SEC31A: variants seen among roughly 807,000 people sequenced by gnomAD.
SEC31A encodes the protein SEC31 homolog A, COPII component, also known as protein transport protein Sec31A.
SEC31A carries 70 observed loss-of-function variants against 151.0 expected under a neutral mutation model. The ratio of observed to expected loss-of-function variants is 0.46; its 90% confidence interval spans 0.38 to 0.57. SEC31A has a LOEUF of 0.57. Ranked by LOEUF, SEC31A falls within the 20% of genes least tolerant of loss-of-function variation. SEC31A has a pLI of 0.00. For missense variants in SEC31A, 1,330 were observed against 1,471.2 expected, an observed-to-expected ratio of 0.90 and a Z score of 1.57; for synonymous variants, 475 against 505.9, an observed-to-expected ratio of 0.94 and a Z score of 0.82.
chr4:82,892,919 A>C (rs1401652472), upstream of SEC31A: 1 of 152,056 alleles, frequency 6.6e-6, no homozygotes, highest in Non-Finnish European at 1.5e-5. Context: ...AAAAAGAAAA[A>C]CTCTTTAGTT....
chr4:82,836,382 A>G (rs1727292128), intron 22 of SEC31A, among the ~76,000 whole-genome samples: 1 of 151,478 alleles, frequency 6.6e-6, no homozygotes, highest in Admixed American at 6.6e-5. Context: ...CAAAAAAAAA[A>G]AAAAAAAAAA....
rs139435771 is a variant in SEC31A at position 82,897,290 on chromosome 4, T to C, written c.-2+2423A>G. On this transcript the variant is annotated intron_variant, in intron 3 of 28. Coordinates refer to the SEC31A transcript ENST00000355196. ...ACACTTCCAAGTTAGCATGAGATTCTAGAAGTAGAAATAATTATGTAACAA... is the reference window on the plus strand; with the variant it reads ...ACACTTCCAAGTTAGCATGAGATTCCAGAAGTAGAAATAATTATGTAACAA... Among the ~76,000 whole-genome samples the C allele has an allele frequency of 1.1e-4, 17 of 152,330 alleles. No individual in the cohort carries two copies. In the East Asian group the frequency reaches 2.9e-3, roughly 26 times the overall value.
At chr4:82,866,753 CTT>C in intron 10 of SEC31A, 53 bp downstream of exon 10, 1 of 1,492,368 alleles carries the variant, frequency 6.7e-7, no homozygotes, top group Non-Finnish European at 9.0e-7. Context: ...TATAATAACA[CTT>C]TGGTATAAAA....
chr4:82,829,723 A>T (rs925113953), intron 22 of SEC31A, among the ~76,000 whole-genome samples: 1 of 152,180 alleles, frequency 6.6e-6, no homozygotes, highest in Non-Finnish European at 1.5e-5. Flanking sequence ...TTAAAATATT[A>T]CCAACTGTAG....
rs567233518 is a variant in SEC31A at position 82,821,231 on chromosome 4, G to A, written c.3412-123C>T. Reference sequence around the variant, plus strand: ...GAATGGCTTCATTTTATAAAGAAATGGAGGCAACTACAACTAAGAAACTTG... The same window carrying A: ...GAATGGCTTCATTTTATAAAGAAATAGAGGCAACTACAACTAAGAAACTTG... On this transcript the variant is annotated intron_variant, in intron 25 of 26. Transcript: ENST00000395310. 929 of 753,322 alleles carry A rather than the reference G, an allele frequency of 1.2e-3. 3 individuals carry two copies. Among genetic ancestry groups the A allele is most frequent in the Middle Eastern group, 7.9e-3 (28 of 3,566 alleles). The allele number at this position is 753,322 out of a possible 1,614,324, so 46.7% of individuals were successfully genotyped here.
intron 18 of SEC31A, among the ~76,000 whole-genome samples, chr4:82,852,814 G>A (rs574405541): frequency 4.0e-4 from 61 of 152,236 alleles, no homozygotes; most frequent in Admixed American, 9.8e-4. Flanking sequence ...AACCTATTTG[G>A]CACCAGGGAC....
chr4:82,843,679 T>A (rs1400097466), intron 21 of SEC31A: 2 of 152,208 alleles, frequency 1.3e-5, no homozygotes, highest in African/African-American at 4.8e-5. Flanking sequence ...TTTATTTTTT[T>A]TTTTTGCATT....
chr4:82,865,503 T>C (rs565065994), intron 10 of SEC31A, among the ~76,000 whole-genome samples: 17 of 146,212 alleles, frequency 1.2e-4, no homozygotes, highest in African/African-American at 4.1e-4. Flanking sequence ...GCAACCAAAA[T>C]GACCATCAAA....
intron 18 of SEC31A, 143 bp from the exon 19 acceptor site, chr4:82,851,747 C>T (rs1731501871): frequency 1.5e-6 from 1 of 660,642 alleles, no homozygotes; most frequent in African/African-American, 1.8e-5. Context: ...AGTACAGCCA[C>T]TATTTAGGTA....
chr4:82,895,804 T>C (rs961792577), upstream of SEC31A: 4 of 152,232 alleles, frequency 2.6e-5, no homozygotes, highest in East Asian at 7.7e-4. Flanking sequence ...AAGGAACTCA[T>C]TGTGCAGAAA....
At chr4:82,853,784 AAAT>A in intron 17 of SEC31A, 69 bp from the exon 18 acceptor site, 1 of 1,275,304 alleles carries the variant, frequency 7.8e-7, no homozygotes. Context: ...GTGAGCAGCT[AAAT>A]AATATTTTCA....
chr4:82,881,977 G>T, intron 1 of SEC31A, 37 bp from the exon 2 acceptor site: 3 of 1,474,680 alleles, frequency 2.0e-6, no homozygotes, highest in South Asian at 2.3e-5. Flanking sequence ...AGCCTTGAAT[G>T]ACTTGAATGT....
At chr4:82,860,230 T>C (rs1733796907) in intron 14 of SEC31A, among the ~76,000 whole-genome samples, 1 of 152,208 alleles carries the variant, frequency 6.6e-6, no homozygotes, top group Admixed American at 6.5e-5. Flanking sequence ...ATGTGTAAGC[T>C]ACTATGAAAC....
At chr4:82,890,555 A>T (rs1231231286) in intron 1 of SEC31A, 1 of 183,944 alleles carries the variant, frequency 5.4e-6, no homozygotes, top group East Asian at 1.9e-4. Context: ...GTAACACTTA[A>T]TGAGACTGCC....
intron 1 of SEC31A, among the ~76,000 whole-genome samples, chr4:82,889,527 A>T (rs910302643): frequency 6.8e-6 from 1 of 146,688 alleles, no homozygotes; most frequent in African/African-American, 2.5e-5. Context: ...AATCTGGGCA[A>T]CAAAGAGGGA....
intron 4 of SEC31A, chr4:82,877,514 G>C (rs1738261329): frequency 6.6e-6 from 1 of 151,820 alleles, no homozygotes; most frequent in Non-Finnish European, 1.5e-5. Flanking sequence ...GTGTAGCTGA[G>C]ACTACAGGCG....
chr4:82,891,089 T>G lies in SEC31A; in HGVS notation c.-6A>C. 6.5e-7 allele frequency: 1 copy of G among 1,535,846 alleles called. No homozygotes were observed. The highest frequency in any genetic ancestry group is 2.4e-5 in the East Asian group (1 of 40,912). On this transcript the variant is annotated splice_region_variant and 5_prime_UTR_variant, in exon 1 of 27. Coordinates refer to ENST00000395310, the MANE Select transcript of SEC31A (RefSeq NM_001077207.4). ...ACAAAAAGCAACGGGCGGACGCACC[T>G]GGCGAGGACCTTCGGCAGCCGGATC... is the stretch of plus-strand genomic sequence containing the variant.
chr4:82,856,905 T>A (rs895170495), intron 16 of SEC31A, 47 bp downstream of exon 16: 2 of 1,488,172 alleles, frequency 1.3e-6, no homozygotes, highest in Non-Finnish European at 1.8e-6. Flanking sequence ...ATTGTTTTTA[T>A]AATTAGAAAG....
At chr4:82,837,199 A>AT (rs56888042) in intron 22 of SEC31A, among the ~76,000 whole-genome samples, 12,230 of 82,426 alleles carry the variant, frequency 0.15, 2,233 homozygotes, top group Admixed American at 0.2. Context: ...ATATATATAT[A>AT]ATTTCACCAC....
Sources: allele counts gnomAD v4.1 joint callset (sites outside exome capture counted in the v4.1 genomes callset), GRCh38; gene constraint gnomAD v4.1.1; transcripts MANE v1.5; gene names NCBI Gene and HGNC (gene_info 2026-07-23, HGNC 2026-07-21).